Variants in PRSS35 observed in about 807,000 individuals in gnomAD.
PRSS35 encodes inactive serine protease 35.
Under a neutral mutation model 8.1 loss-of-function variants are expected in PRSS35, and 7 were observed. The observed-to-expected ratio is 0.86, with a 90% CI of 0.49 to 1.62. The LOEUF (loss-of-function observed/expected upper bound fraction) is 1.62, where lower values mean the gene tolerates loss of function less well. Among genes scored for constraint, PRSS35 ranks in the 40% most tolerant of loss-of-function variants. PRSS35 has a pLI of 0.00. For synonymous variants in PRSS35, 199 were observed against 188.7 expected (o/e 1.05, Z -0.45); for missense variants, 566 against 518.0 (o/e 1.09, Z -0.90).
chr6:83,521,356 T>C (rs2127713544), intron 1 of PRSS35, among the ~76,000 whole-genome samples: 1 of 152,230 alleles, frequency 6.6e-6, no homozygotes, highest in East Asian at 1.9e-4. Flanking sequence ...AAAAATTGCA[T>C]AGAAGACAAA....
chr6:83,517,854 G>C (rs73482819), intron 1 of PRSS35, among the ~76,000 whole-genome samples: 1 of 152,192 alleles, frequency 6.6e-6, no homozygotes, highest in Admixed American at 6.5e-5. Flanking sequence ...GTAGAGGGTG[G>C]TGTTGGCCCT....
chr6:83,523,825 C>G lies in PRSS35; in HGVS notation c.384C>G (p.Asp128Glu). 6.2e-7 allele frequency: 1 copy of G among 1,614,216 alleles called. No homozygotes were observed. Among genetic ancestry groups the G allele is most frequent in the Non-Finnish European group, 8.5e-7 (1 of 1,180,046 alleles). ...VRRKRQVYGT[D>E]SRFSILDKRF... is the part of the protein sequence containing the mutation. ...GAAAGAGACAGGTGTATGGCACCGA[C>G]AGCAGGTTCAGCATCTTGGACAAAA... The change falls in exon 2 of 2, where the codon GAC (aspartate) becomes GAG (glutamate). Residue 128 changes from aspartate (D) to glutamate (E), a missense_variant. By Grantham distance (45) the Asp-to-Glu change is conservative. Coordinates refer to ENST00000369700, the MANE Select transcript of PRSS35 (RefSeq NM_153362.3).
intron 1 of PRSS35, among the ~76,000 whole-genome samples, chr6:83,518,287 C>T (rs1771758606): frequency 6.6e-6 from 1 of 152,128 alleles, no homozygotes; most frequent in Admixed American, 6.5e-5. Context: ...ATTCTATATA[C>T]TCTAGATAGA....
chr6:83,513,766 G>A (rs781506718), intron 1 of PRSS35, among the ~76,000 whole-genome samples: 6 of 151,814 alleles, frequency 4.0e-5, no homozygotes, highest in Non-Finnish European at 7.4e-5. Context: ...CTTTTAAGAA[G>A]CTTTTTCACG....
chr6:83,516,837 A>T (rs934136020), intron 1 of PRSS35, among the ~76,000 whole-genome samples: 7 of 152,148 alleles, frequency 4.6e-5, no homozygotes, highest in African/African-American at 1.4e-4. Context: ...CCTCCTTCTT[A>T]TATGAGCCCC....
chr6:83,524,544 C>A lies in PRSS35; in HGVS notation c.1103C>A (p.Ala368Glu), dbSNP rs983020216. The change falls in exon 2 of 2, where the codon GCG becomes GAG. Residue 368 changes from alanine to glutamate, a missense_variant. By Grantham distance (107) the Ala-to-Glu change is moderately radical. Transcript: ENST00000369700. ...DKKNWKRKII[A>E]VYSGHQWVDV... ...AAGAATTGGAAGCGCAAAATCATTG[C>A]GGTCTACTCAGGGCACCAGTGGGTG... 6.2e-7 allele frequency: 1 copy of A among 1,614,160 alleles called. No individual in the cohort carries two copies. Among genetic ancestry groups the A allele is most frequent in the East Asian group, 2.2e-5 (1 of 44,888 alleles).
intron 1 of PRSS35, among the ~76,000 whole-genome samples, chr6:83,516,199 T>C (rs1415296629): frequency 1.3e-5 from 2 of 152,226 alleles, no homozygotes; most frequent in Non-Finnish European, 2.9e-5. Context: ...AGCAGTTTCC[T>C]ACTGCTGCTG....
At chr6:83,518,315 T>C (rs1313033984) in intron 1 of PRSS35, among the ~76,000 whole-genome samples, 1 of 152,158 alleles carries the variant, frequency 6.6e-6, no homozygotes, top group Non-Finnish European at 1.5e-5. Context: ...AAAAAGTTGT[T>C]TTTTTTTCAT....
chr6:83,521,439 G>C (rs1271969778), intron 1 of PRSS35, among the ~76,000 whole-genome samples: 1 of 151,788 alleles, frequency 6.6e-6, no homozygotes, highest in Non-Finnish European at 1.5e-5. Flanking sequence ...GTGACTATTA[G>C]AAAATATTGT....
At position 83,525,165 on chromosome 6, in the gene PRSS35, C is replaced by T. The variant is rs1316211550; in HGVS notation, c.*482C>T. 1 of 168,708 alleles carries T rather than the reference C, an allele frequency of 5.9e-6. No individual in the cohort carries two copies. Among genetic ancestry groups the T allele is most frequent in the African/African-American group, 2.4e-5 (1 of 41,432 alleles). 10.5% of individuals were successfully genotyped at this position (168,708 alleles called of 1,614,324 possible). The stretch of plus-strand genomic sequence containing the variant: ...CAGTTTGTACTACTCTGAGATGGAT[C>T]CATTCAGCTCATGCCCTCAATGTTT... On this transcript the variant is annotated 3_prime_UTR_variant, in exon 2 of 2. Coordinates refer to ENST00000369700, the MANE Select transcript of PRSS35 (RefSeq NM_153362.3).
intron 1 of PRSS35, among the ~76,000 whole-genome samples, chr6:83,520,551 G>T (rs148973283): frequency 1.5e-3 from 229 of 152,238 alleles, no homozygotes; most frequent in Non-Finnish European, 2.7e-3. Context: ...ACCACCGTTC[G>T]TAACTGCTGT....
In PRSS35 at chr6:83,523,426, A is replaced by C. The variant is rs777634494; in HGVS notation, c.-16A>C. ...CTCTCTTTTTCTATTTTTAAGGACAAAATTAGAAGATCAAAATGGAAAATA... is the reference window on the plus strand; with the variant it reads ...CTCTCTTTTTCTATTTTTAAGGACACAATTAGAAGATCAAAATGGAAAATA... On this transcript the variant is annotated 5_prime_UTR_variant, in exon 2 of 2. Coordinates refer to ENST00000369700, the MANE Select transcript of PRSS35 (RefSeq NM_153362.3). 6.3e-7 allele frequency: 1 copy of C among 1,596,746 alleles called. No individual in the cohort carries two copies. Among genetic ancestry groups the C allele is most frequent in the African/African-American group, 1.4e-5 (1 of 73,986 alleles).
Position 83,518,797 on chromosome 6 carries a change from C to T in PRSS35, c.-20-4625C>T, listed in dbSNP as rs373401849. On this transcript the variant is annotated intron_variant, in intron 1 of 1. Coordinates refer to ENST00000369700, the MANE Select transcript of PRSS35 (RefSeq NM_153362.3). ...ATTATAAAATAACATGTGTTAACTA[C>T]TTACTATCCTCTGGGCTCAGTAGTA... 3.2e-3 allele frequency among the ~76,000 whole-genome samples: 490 copies of T among 152,290 alleles called. 5 individuals carry two copies. The highest frequency in any genetic ancestry group is 0.018 in the South Asian group (88 of 4,824).
chr6:83,514,600 G>A (rs971787945), intron 1 of PRSS35, among the ~76,000 whole-genome samples: 2 of 152,158 alleles, frequency 1.3e-5, no homozygotes, highest in African/African-American at 4.8e-5. Flanking sequence ...TTTATTCTCA[G>A]CCTAGAATCA....
At chr6:83,520,351 A>G (rs915135570) in intron 1 of PRSS35, among the ~76,000 whole-genome samples, 3 of 152,144 alleles carry the variant, frequency 2.0e-5, no homozygotes, top group African/African-American at 4.8e-5. Flanking sequence ...GGGCCGGTTA[A>G]ACCTAGCTGG....
At chr6:83,523,369 AG>A in intron 1 of PRSS35, 52 bp from the exon 2 acceptor site, 1 of 1,354,828 alleles carries the variant, frequency 7.4e-7, no homozygotes, top group Non-Finnish European at 1.0e-6. Context: ...GAAATGGATA[AG>A]TAAGATTTAA....
intron 1 of PRSS35, among the ~76,000 whole-genome samples, chr6:83,519,548 C>T (rs1180688201): frequency 2.6e-5 from 4 of 152,196 alleles, no homozygotes; most frequent in Non-Finnish European, 5.9e-5. Flanking sequence ...GATGTCTCCA[C>T]TGAACAAACT....
chr6:83,516,443 G>A (rs1771716951), intron 1 of PRSS35, among the ~76,000 whole-genome samples: 1 of 151,770 alleles, frequency 6.6e-6, no homozygotes, highest in African/African-American at 2.4e-5. Context: ...GGGCATGGTG[G>A]CGGGCGCCTG....
Position 83,525,459 on chromosome 6 carries a change from G to A in PRSS35, c.*776G>A, listed in dbSNP as rs1224677187. 1.2e-5 allele frequency: 2 copies of A among 166,994 alleles called. No individual in the cohort carries two copies. Among genetic ancestry groups the A allele is most frequent in the African/African-American group, 4.8e-5 (2 of 41,420 alleles). The allele number at this position is 166,994 out of a possible 1,614,324, so 10.3% of individuals were successfully genotyped here. A position where few individuals can be genotyped will look rare whatever the true frequency, so the allele number is the denominator to read the frequency against. ...AATATGGACTTTTCATGTATGCATA[G>A]GGAAGACACTTCACAAATTATGAAT... On this transcript the variant is annotated 3_prime_UTR_variant, in exon 2 of 2. Coordinates refer to ENST00000369700, the MANE Select transcript of PRSS35 (RefSeq NM_153362.3).
Sources: allele counts gnomAD v4.1 joint callset (sites outside exome capture counted in the v4.1 genomes callset), GRCh38; gene constraint gnomAD v4.1.1; transcripts MANE v1.5; gene names NCBI Gene and HGNC (gene_info 2026-07-23, HGNC 2026-07-21).